The following PTPRD variants were observed in gnomAD, a reference collection of about 807,000 sequenced individuals.
The protein encoded by PTPRD is receptor-type tyrosine-protein phosphatase delta.
In PTPRD, 34 loss-of-function variants were observed where a neutral mutation model predicts 214.5. The observed-to-expected ratio is 0.16, with a 90% CI of 0.12 to 0.21. The LOEUF (loss-of-function observed/expected upper bound fraction) is 0.21, where lower values mean the gene tolerates loss of function less well. PTPRD is among the 10% of genes least tolerant of loss of function. The pLI is 1.00. For synonymous variants in PTPRD, 1,128 were observed against 845.7 expected (o/e 1.33, Z -5.79); for missense variants, 2,545 against 2,398.7 (o/e 1.06, Z -1.27).
intron 12 of PTPRD, among the ~76,000 whole-genome samples, chr9:8,710,539 C>A (rs1353228377): frequency 2.6e-5 from 4 of 152,058 alleles, no homozygotes; most frequent in Non-Finnish European, 2.9e-5. Context: ...TCACCTGAGC[C>A]CAACAGGTCG....
At chr9:8,915,671 G>A (rs1029655671) in intron 11 of PTPRD, among the ~76,000 whole-genome samples, 9 of 152,144 alleles carry the variant, frequency 5.9e-5, no homozygotes, top group Admixed American at 2.0e-4. Context: ...AAGAGATGAT[G>A]TTTCAACTCA....
intron 2 of PTPRD, among the ~76,000 whole-genome samples, chr9:10,467,408 G>A (rs1312747278): frequency 6.6e-6 from 1 of 151,886 alleles, no homozygotes. Flanking sequence ...TATTATTATT[G>A]GCATCCTAAG....
At chr9:8,819,852 G>C (rs971344744) in intron 11 of PTPRD, among the ~76,000 whole-genome samples, 1 of 152,070 alleles carries the variant, frequency 6.6e-6, no homozygotes, top group Non-Finnish European at 1.5e-5. Context: ...AGCACAAAAC[G>C]AGCTGAAAGA....
intron 2 of PTPRD, among the ~76,000 whole-genome samples, chr9:10,577,218 T>C (rs193214420): frequency 2.7e-4 from 41 of 152,310 alleles, no homozygotes; most frequent in African/African-American, 7.7e-4. Context: ...GATATACCCA[T>C]GCCAAATGAA....
At chr9:10,202,846 C>G (rs961739311) in intron 3 of PTPRD, among the ~76,000 whole-genome samples, 2 of 151,580 alleles carry the variant, frequency 1.3e-5, no homozygotes, top group Non-Finnish European at 1.5e-5. Flanking sequence ...TGTGAGGATA[C>G]AAGGAAAAGA....
chr9:10,439,069 G>A lies in PTPRD; in HGVS notation c.-599-98052C>T, dbSNP rs112288320. 4.3e-3 allele frequency among the ~76,000 whole-genome samples: 655 copies of A among 151,910 alleles called. 4 individuals carry two copies. The highest frequency in any genetic ancestry group is 0.015 in the African/African-American group (628 of 41,500). On this transcript the variant is annotated intron_variant, in intron 2 of 45. Coordinates refer to ENST00000381196, the MANE Select transcript of PTPRD (RefSeq NM_002839.4). ...GCAGAGGTCTGAAAAGTGCTTGTCCGTTGGAGCTTACCTTCACTTGCCACT... is the reference window on the plus strand; with the variant it reads ...GCAGAGGTCTGAAAAGTGCTTGTCCATTGGAGCTTACCTTCACTTGCCACT...
At chr9:10,233,516 A>G (rs1456316777) in intron 3 of PTPRD, among the ~76,000 whole-genome samples, 1 of 152,024 alleles carries the variant, frequency 6.6e-6, no homozygotes, top group African/African-American at 2.4e-5. Context: ...TCCATTTGAA[A>G]AAAAATCAGA....
intron 10 of PTPRD, among the ~76,000 whole-genome samples, chr9:9,036,582 A>G (rs959694668): frequency 1.3e-5 from 2 of 152,302 alleles, no homozygotes; most frequent in South Asian, 2.1e-4. Context: ...AATAAAATGT[A>G]CCATTTTAAT....
intron 8 of PTPRD, among the ~76,000 whole-genome samples, chr9:9,429,864 A>G (rs2082395027): frequency 6.6e-6 from 1 of 152,210 alleles, no homozygotes; most frequent in Admixed American, 6.5e-5. Flanking sequence ...CTTCATGCTA[A>G]AAACTCTCAA....
chr9:8,568,002 A>C (rs1201318661), intron 14 of PTPRD, among the ~76,000 whole-genome samples: 2 of 152,172 alleles, frequency 1.3e-5, no homozygotes, highest in East Asian at 3.8e-4. Context: ...AATTTAACAA[A>C]ACTGGCTGTC....
intron 3 of PTPRD, among the ~76,000 whole-genome samples, chr9:10,131,153 G>C (rs2098875631): frequency 6.6e-6 from 1 of 152,070 alleles, no homozygotes; most frequent in East Asian, 1.9e-4. Context: ...AGTGAGGATG[G>C]AGCAAATCTC....
At chr9:9,032,016 A>G (rs2099607158) in intron 10 of PTPRD, among the ~76,000 whole-genome samples, 1 of 132,074 alleles carries the variant, frequency 7.6e-6, no homozygotes, top group Non-Finnish European at 1.8e-5. Flanking sequence ...AACTCCTGTA[A>G]TCTTTTTTTT....
At chr9:8,600,001 TGAA>T (rs951959575) in intron 14 of PTPRD, among the ~76,000 whole-genome samples, 2 of 152,170 alleles carry the variant, frequency 1.3e-5, no homozygotes, top group African/African-American at 4.8e-5. Context: ...AAAGAGGCAC[TGAA>T]GAAGGTAGAA....
chr9:8,940,447 T>TTTTTA (rs386414409), intron 11 of PTPRD, among the ~76,000 whole-genome samples: 5 of 426 alleles, frequency 0.012, no homozygotes, highest in Non-Finnish European at 0.044. Context: ...CACTCCCAGC[T>TTTTTA]TTTTTTTTTT....
intron 2 of PTPRD, among the ~76,000 whole-genome samples, chr9:10,445,347 T>C (rs1239688492): frequency 2.6e-5 from 4 of 152,038 alleles, no homozygotes; most frequent in African/African-American, 9.7e-5. Flanking sequence ...GGAGTTGCAT[T>C]TTTAGGCAGG....
intron 3 of PTPRD, among the ~76,000 whole-genome samples, chr9:10,081,973 G>T (rs949347099): frequency 6.6e-6 from 1 of 152,016 alleles, no homozygotes; most frequent in African/African-American, 2.4e-5. Flanking sequence ...GCCACAGAGA[G>T]ATTTAGGAGA....
intron 7 of PTPRD, among the ~76,000 whole-genome samples, chr9:9,646,023 G>C (rs531963043): frequency 1.3e-5 from 2 of 152,056 alleles, no homozygotes; most frequent in East Asian, 3.9e-4. Context: ...TGTTGATGCT[G>C]TTTTGTGTTG....
intron 3 of PTPRD, among the ~76,000 whole-genome samples, chr9:10,173,659 T>C (rs1381689578): frequency 1.3e-5 from 2 of 152,026 alleles, no homozygotes; most frequent in Admixed American, 1.3e-4. Context: ...TTTAGTACTT[T>C]ACAAGAGGAT....
At chr9:9,063,360 G>C (rs576361774) in intron 10 of PTPRD, among the ~76,000 whole-genome samples, 1 of 152,122 alleles carries the variant, frequency 6.6e-6, no homozygotes, top group Admixed American at 6.5e-5. Flanking sequence ...TGATGATTTA[G>C]AAGTTAAAGT....
Sources: gnomAD v4.1 joint callset for allele counts (sites outside exome capture counted in the v4.1 genomes callset) on GRCh38, gnomAD v4.1.1 for gene constraint, MANE v1.5 for transcripts, NCBI Gene and HGNC (gene_info 2026-07-23, HGNC 2026-07-21) for gene names.